Variants in BAZ1A observed in about 807,000 individuals in gnomAD.
BAZ1A encodes the protein bromodomain adjacent to zinc finger domain 1A, also known as bromodomain adjacent to zinc finger domain protein 1A.
Under a neutral mutation model 185.2 loss-of-function variants are expected in BAZ1A, and 50 were observed. That is an observed-to-expected ratio of 0.27 (90% confidence interval 0.22 to 0.34). The LOEUF is 0.34. BAZ1A is among the 10% of genes least tolerant of loss of function. BAZ1A has a pLI of 1.00. For synonymous variants in BAZ1A, 571 were observed against 615.6 expected (o/e 0.93, Z 1.07); for missense variants, 1,356 against 1,839.9 (o/e 0.74, Z 4.81).
chr14:34,815,554 T>C (rs1428052381), intron 4 of BAZ1A, among the ~76,000 whole-genome samples: 1 of 152,226 alleles, frequency 6.6e-6, no homozygotes, highest in Non-Finnish European at 1.5e-5. Context: ...ACTAATAAAA[T>C]CAAAACACCA....
intron 6 of BAZ1A, among the ~76,000 whole-genome samples, chr14:34,803,794 A>C (rs529206085): frequency 1.3e-5 from 2 of 152,320 alleles, no homozygotes; most frequent in African/African-American, 4.8e-5. Context: ...ACTACTTAAT[A>C]TATCAAATTT....
chr14:34,820,134 T>TTTG (rs1251851721), intron 4 of BAZ1A, among the ~76,000 whole-genome samples: 8 of 144,540 alleles, frequency 5.5e-5, no homozygotes, highest in Non-Finnish European at 1.2e-4. Context: ...TTTTTTTTTT[T>TTTG]TTTTTTTTTT....
At chr14:34,856,188 A>G (rs1354985655) in intron 3 of BAZ1A, among the ~76,000 whole-genome samples, 2 of 152,184 alleles carry the variant, frequency 1.3e-5, no homozygotes, top group Non-Finnish European at 1.5e-5. Context: ...CCTAGCCTCA[A>G]TGCCACACTG....
chr14:34,798,270 G>T (rs1445184639), intron 9 of BAZ1A, among the ~76,000 whole-genome samples: 2 of 152,280 alleles, frequency 1.3e-5, no homozygotes, highest in Admixed American at 1.3e-4. Flanking sequence ...GGGGCAGGGT[G>T]TAGCTGAACA....
chr14:34,780,059 A>G, intron 17 of BAZ1A, 127 bp downstream of exon 17: 1 of 1,341,806 alleles, frequency 7.5e-7, no homozygotes, highest in South Asian at 1.3e-5. Flanking sequence ...GGGCATTTAA[A>G]AAAACAAACA....
chr14:34,798,127 T>C (rs1594851616), intron 9 of BAZ1A, among the ~76,000 whole-genome samples: 1 of 152,130 alleles, frequency 6.6e-6, no homozygotes, highest in African/African-American at 2.4e-5. Context: ...GGAGGGGGCG[T>C]CCGCCACTGC....
intron 3 of BAZ1A, among the ~76,000 whole-genome samples, chr14:34,852,386 A>G (rs906554417): frequency 8.5e-5 from 13 of 152,308 alleles, no homozygotes; most frequent in African/African-American, 2.9e-4. Context: ...TGGAAGGCTA[A>G]GGCGGACAGA....
Position 34,835,670 on chromosome 14 carries a change from G to GT in BAZ1A, c.393-9515dup, listed in dbSNP as rs1162232902. Reference sequence around the variant, plus strand: ...CTGTAATAAGCTGAACATGGAAATAGTTTTTTTTTTTTTTTTCCTGAGACA... The same window carrying GT: ...CTGTAATAAGCTGAACATGGAAATAGTTTTTTTTTTTTTTTTTCCTGAGACA... On this transcript the variant is annotated intron_variant, in intron 3 of 26. Transcript: ENST00000360310. 7.8e-3 allele frequency among the ~76,000 whole-genome samples: 1,107 copies of GT among 141,822 alleles called. 2 individuals are homozygous for GT. The highest frequency in any genetic ancestry group is 0.014 in the East Asian group (68 of 4,868). 93.0% of individuals were successfully genotyped at this position (141,822 alleles called of 152,430 possible).
chr14:34,862,514 A>G (rs924853056), intron 2 of BAZ1A, among the ~76,000 whole-genome samples, 192 bp from the exon 3 acceptor site: 2 of 152,184 alleles, frequency 1.3e-5, no homozygotes, highest in Non-Finnish European at 2.9e-5. Context: ...AAGTATATTT[A>G]AACTAAATAT....
At position 34,762,480 on chromosome 14, in the gene BAZ1A, C is replaced by A. The variant is rs549593959; in HGVS notation, c.3777-257G>T. ...AATATTTTATGTTTTCTTTTCTTTT[C>A]TTTATTTTTTTTTTTTGAGACAGAG... On this transcript the variant is annotated intron_variant, in intron 23 of 26. Coordinates refer to ENST00000360310, the MANE Select transcript of BAZ1A (RefSeq NM_013448.3). Among the ~76,000 whole-genome samples the A allele has an allele frequency of 3.4e-3, 498 of 145,322 alleles. 3 individuals carry two copies. The highest frequency in any genetic ancestry group is 0.013 in the African/African-American group (478 of 37,952).
intron 2 of BAZ1A, among the ~76,000 whole-genome samples, chr14:34,866,502 A>AAAAAAAAAGAAAAAAAGAAAG: frequency 1.3e-5 from 1 of 79,536 alleles, no homozygotes; most frequent in African/African-American, 3.8e-5. Flanking sequence ...AAAAAAAAAA[A>AAAAAAAAAGAAAAAAAGAAAG]GAAAAAAGTT....
intron 2 of BAZ1A, among the ~76,000 whole-genome samples, chr14:34,864,276 T>C (rs772248663): frequency 2.0e-5 from 3 of 152,070 alleles, no homozygotes; most frequent in African/African-American, 7.2e-5. Flanking sequence ...CCCAAGCAGC[T>C]GGGACTACAG....
chr14:34,793,867 C>G (rs896700357), intron 11 of BAZ1A, among the ~76,000 whole-genome samples: 19 of 151,682 alleles, frequency 1.3e-4, no homozygotes, highest in African/African-American at 4.6e-4. Context: ...GCTTGAACCC[C>G]GGAGGTGGAG....
chr14:34,858,398 G>A (rs976590040), intron 3 of BAZ1A, among the ~76,000 whole-genome samples: 1 of 152,194 alleles, frequency 6.6e-6, no homozygotes, highest in Middle Eastern at 3.4e-3. Context: ...GGAATTATAG[G>A]CACATGCCTG....
chr14:34,755,029 C>T, intron 25 of BAZ1A, 115 bp from the exon 26 acceptor site: 1 of 624,532 alleles, frequency 1.6e-6, no homozygotes. Context: ...GCAATATGGT[C>T]TTGCTCATGA....
intron 9 of BAZ1A, among the ~76,000 whole-genome samples, chr14:34,796,247 C>T (rs1026506789): frequency 3.3e-5 from 5 of 151,942 alleles, no homozygotes; most frequent in African/African-American, 7.3e-5. Context: ...ACTCAGGAGG[C>T]TGAGGCAGAA....
intron 3 of BAZ1A, among the ~76,000 whole-genome samples, chr14:34,843,934 G>A (rs908625648): frequency 6.6e-6 from 1 of 152,018 alleles, no homozygotes; most frequent in Non-Finnish European, 1.5e-5. Context: ...GGCCGGGCGC[G>A]GTGGCTCACG....
chr14:34,824,218 T>C (rs1403333236), intron 4 of BAZ1A, among the ~76,000 whole-genome samples: 1 of 111,762 alleles, frequency 8.9e-6, no homozygotes, highest in Non-Finnish European at 1.9e-5. Context: ...AAAAAAAAAA[T>C]TAAAAATTAG....
chr14:34,774,115 G>C (rs1260298864), intron 19 of BAZ1A, among the ~76,000 whole-genome samples: 1 of 152,142 alleles, frequency 6.6e-6, no homozygotes, highest in African/African-American at 2.4e-5. Flanking sequence ...CAAGGAAGAA[G>C]AAAATATCCT....
Sources: allele counts gnomAD v4.1 joint callset (sites outside exome capture counted in the v4.1 genomes callset), GRCh38; gene constraint gnomAD v4.1.1; transcripts MANE v1.5; gene names NCBI Gene and HGNC (gene_info 2026-07-23, HGNC 2026-07-21).